The following TRAPPC9 variants were observed in gnomAD, a reference collection of about 807,000 sequenced individuals.
TRAPPC9 encodes the protein IKK2 binding protein.
A neutral mutation model predicts 124.0 loss-of-function variants in TRAPPC9; 83 were observed. The ratio of observed to expected loss-of-function variants is 0.67; its 90% CI spans 0.56 to 0.80. The LOEUF (loss-of-function observed/expected upper bound fraction) is 0.80, where lower values mean the gene tolerates loss of function less well. TRAPPC9 is among the 30% of genes least tolerant of loss of function. TRAPPC9 has a pLI of 0.00. For synonymous variants in TRAPPC9, 638 were observed against 617.5 expected (o/e 1.03, Z -0.49); for missense variants, 1,302 against 1,508.3 (o/e 0.86, Z 2.27).
chr8:140,093,416 C>T (rs375820331), intron 17 of TRAPPC9, among the ~76,000 whole-genome samples: 23 of 152,270 alleles, frequency 1.5e-4, no homozygotes, highest in African/African-American at 5.5e-4. Flanking sequence ...ACCTGTAATC[C>T]CACCATTCTG....
intron 11 of TRAPPC9, among the ~76,000 whole-genome samples, chr8:140,297,593 C>G (rs2065846021): frequency 6.6e-6 from 1 of 152,228 alleles, no homozygotes; most frequent in African/African-American, 2.4e-5. Context: ...ACAGCTAGAA[C>G]AGCTGGAGCC....
chr8:139,826,480 G>C (rs1265528093), intron 21 of TRAPPC9, among the ~76,000 whole-genome samples: 1 of 113,918 alleles, frequency 8.8e-6, no homozygotes, highest in Non-Finnish European at 2.0e-5. Flanking sequence ...TCGGTGCCTG[G>C]GGGGAACAGA....
chr8:139,925,827 G>GCACACACA (rs56794885), intron 19 of TRAPPC9, among the ~76,000 whole-genome samples: 121 of 68,752 alleles, frequency 1.8e-3, no homozygotes, highest in African/African-American at 3.1e-3. Flanking sequence ...ACACGCACAC[G>GCACACACA]CACACACACA....
intron 17 of TRAPPC9, among the ~76,000 whole-genome samples, chr8:140,146,993 C>G (rs527655856): frequency 2.0e-5 from 3 of 152,134 alleles, no homozygotes; most frequent in African/African-American, 7.2e-5. Context: ...CTTCTGTCAA[C>G]ATTTCTATTC....
intron 17 of TRAPPC9, among the ~76,000 whole-genome samples, chr8:140,085,429 C>G (rs1343625969): frequency 6.6e-6 from 1 of 151,826 alleles, no homozygotes; most frequent in Non-Finnish European, 1.5e-5. Context: ...GATAAAATCT[C>G]TCTCTTTAAA....
chr8:140,441,187 C>T (rs1022934776), intron 2 of TRAPPC9, among the ~76,000 whole-genome samples: 2 of 151,856 alleles, frequency 1.3e-5, no homozygotes, highest in African/African-American at 4.8e-5. Flanking sequence ...CCTTATGTTG[C>T]TCAAGCTGGT....
At chr8:140,171,019 C>A (rs1297177047) in intron 17 of TRAPPC9, among the ~76,000 whole-genome samples, 1 of 152,230 alleles carries the variant, frequency 6.6e-6, no homozygotes, top group Non-Finnish European at 1.5e-5. Context: ...CACATTCCTG[C>A]CACCTGGAGC....
chr8:140,099,393 T>A (rs2060528125), intron 17 of TRAPPC9: 1 of 148,042 alleles, frequency 6.8e-6, no homozygotes. Flanking sequence ...GGGAGACAGG[T>A]CTCAGCGAGC....
chr8:140,108,042 G>A (rs985424412), intron 17 of TRAPPC9, among the ~76,000 whole-genome samples: 2 of 150,464 alleles, frequency 1.3e-5, no homozygotes, highest in Non-Finnish European at 2.9e-5. Context: ...TTTATACATA[G>A]ACAGGTTATC....
chr8:139,813,594 C>T (rs759281033), intron 21 of TRAPPC9, among the ~76,000 whole-genome samples: 4 of 152,234 alleles, frequency 2.6e-5, no homozygotes, highest in Non-Finnish European at 4.4e-5. Context: ...TGGGGAGAGG[C>T]AAACAGCTCA....
At position 140,067,483 on chromosome 8, in the gene TRAPPC9, A is replaced by C. The variant is rs1279326569; in HGVS notation, c.2557-43404T>G. Among the ~76,000 whole-genome samples, 4 of 152,200 alleles carry C rather than the reference A, an allele frequency of 2.6e-5. No homozygotes were observed. In the East Asian group the frequency reaches 7.7e-4, roughly 29 times the overall value. On this transcript the variant is annotated intron_variant, in intron 17 of 22. Coordinates refer to ENST00000438773, the MANE Select transcript of TRAPPC9 (RefSeq NM_001160372.4). ...TAAATGATCAAATTGGGCTCTTGGC[A>C]ATAGACCACCTGTTCTGATTTCCCT...
chr8:139,897,885 G>A (rs1830763408), intron 20 of TRAPPC9, among the ~76,000 whole-genome samples: 1 of 152,268 alleles, frequency 6.6e-6, no homozygotes, highest in Admixed American at 6.5e-5. Flanking sequence ...GAGACTTTTG[G>A]GTGCTGTGGA....
At chr8:140,370,547 C>A (rs1237516244) in intron 8 of TRAPPC9, among the ~76,000 whole-genome samples, 1 of 152,170 alleles carries the variant, frequency 6.6e-6, no homozygotes, top group Admixed American at 6.5e-5. Flanking sequence ...ACATATTACC[C>A]TGCATTAATA....
chr8:139,800,104 C>T (rs12679196), intron 21 of TRAPPC9, among the ~76,000 whole-genome samples: 20,204 of 152,236 alleles, frequency 0.13, 1,662 homozygotes, highest in East Asian at 0.27. Flanking sequence ...TGCCAAAAGA[C>T]GGAGAGGGCA....
chr8:140,381,385 G>A (rs1479226399), intron 7 of TRAPPC9, among the ~76,000 whole-genome samples: 1 of 152,032 alleles, frequency 6.6e-6, no homozygotes, highest in East Asian at 1.9e-4. Flanking sequence ...TTGACAAAGA[G>A]GACCAGGCGC....
chr8:139,848,037 TC>T (rs2130917838), intron 21 of TRAPPC9, among the ~76,000 whole-genome samples: 1 of 152,336 alleles, frequency 6.6e-6, no homozygotes, highest in South Asian at 2.1e-4. Flanking sequence ...GCAGGGCCTG[TC>T]CCAGGAGCTC....
At chr8:139,965,782 T>C (rs1218171815) in intron 19 of TRAPPC9, among the ~76,000 whole-genome samples, 2 of 152,246 alleles carry the variant, frequency 1.3e-5, no homozygotes, top group African/African-American at 2.4e-5. Flanking sequence ...GAAGGCTCCA[T>C]GTTGAGCAGA....
intron 21 of TRAPPC9, among the ~76,000 whole-genome samples, chr8:139,877,982 A>C (rs1481787818): frequency 6.6e-6 from 1 of 152,224 alleles, no homozygotes. Context: ...TAAAGTTGAC[A>C]GCTTTGCTCT....
intron 7 of TRAPPC9, among the ~76,000 whole-genome samples, chr8:140,382,709 C>T (rs1161585636): frequency 1.3e-5 from 2 of 152,322 alleles, no homozygotes; most frequent in African/African-American, 4.8e-5. Context: ...GGCCTGCCTG[C>T]CTCTGTAGAC....
Sources: gnomAD v4.1 joint callset for allele counts (sites outside exome capture counted in the v4.1 genomes callset) on GRCh38, gnomAD v4.1.1 for gene constraint, MANE v1.5 for transcripts, NCBI Gene and HGNC (gene_info 2026-07-23, HGNC 2026-07-21) for gene names.